Variants in JAZF1 observed in about 807,000 individuals in gnomAD.
JAZF1 encodes the protein JAZF zinc finger 1, also known as juxtaposed with another zinc finger protein 1.
In JAZF1, 8 loss-of-function variants were observed where a neutral mutation model predicts 26.4. That is an observed-to-expected ratio of 0.30 (90% CI 0.18 to 0.55). The LOEUF (loss-of-function observed/expected upper bound fraction) is 0.55, where lower values mean the gene tolerates loss of function less well. JAZF1 is among the 20% of genes least tolerant of loss of function. JAZF1 has a pLI of 0.94. For synonymous variants in JAZF1, 126 were observed against 122.3 expected, an observed-to-expected ratio of 1.03 and a Z score of -0.20; for missense variants, 199 against 322.0, an observed-to-expected ratio of 0.62 and a Z score of 2.92.
rs1554289059 is a variant in JAZF1, at chr7:28,110,609, G to GA, written c.115+69853dup. On this transcript the variant is annotated intron_variant, in intron 1 of 4. Coordinates refer to ENST00000283928, the MANE Select transcript of JAZF1 (RefSeq NM_175061.4). ...GGAAAAGGAAAAGGAAAAGGAAAAG[G>GA]AAAGGAAAAGGAAAGGAAAGGAAAG... is the stretch of plus-strand genomic sequence containing the variant. Among the ~76,000 whole-genome samples the GA allele has an allele frequency of 1.3e-3, 55 of 43,674 alleles. 2 individuals carry two copies. Among genetic ancestry groups the GA allele is most frequent in the Admixed American group, 0.01 (32 of 3,064 alleles). 28.7% of individuals were successfully genotyped at this position (43,674 alleles called of 152,430 possible).
At chr7:28,066,038 C>G (rs1295187894) in intron 1 of JAZF1, among the ~76,000 whole-genome samples, 1 of 152,152 alleles carries the variant, frequency 6.6e-6, no homozygotes, top group African/African-American at 2.4e-5. Context: ...CTCACTAGTG[C>G]TATCTCTGTT....
At chr7:28,112,101 G>A (rs1020102266) in intron 1 of JAZF1, among the ~76,000 whole-genome samples, 5 of 152,182 alleles carry the variant, frequency 3.3e-5, no homozygotes, top group Non-Finnish European at 4.4e-5. Context: ...TGATCATGAG[G>A]TGTCTTCGCC....
At chr7:28,132,496 G>C (rs1451647032) in intron 1 of JAZF1, among the ~76,000 whole-genome samples, 1 of 152,284 alleles carries the variant, frequency 6.6e-6, no homozygotes, top group Non-Finnish European at 1.5e-5. Flanking sequence ...AGATTCTTAA[G>C]GGTGGTAAGG....
chr7:28,055,670 G>C (rs1310411729), intron 1 of JAZF1, among the ~76,000 whole-genome samples: 1 of 152,190 alleles, frequency 6.6e-6, no homozygotes, highest in African/African-American at 2.4e-5. Flanking sequence ...AAGGCTCTTT[G>C]TTGTATTCAC....
chr7:28,110,784 G>A (rs1282422525), intron 1 of JAZF1, among the ~76,000 whole-genome samples: 1 of 152,238 alleles, frequency 6.6e-6, no homozygotes, highest in East Asian at 1.9e-4. Flanking sequence ...AGACTAAGAC[G>A]TGGTGATGTG....
rs546966611 is a variant in JAZF1, at chr7:27,897,622, G to A, written c.189-2206C>T. The stretch of plus-strand genomic sequence containing the variant: ...CTAGGAACCTGTAGCTATCTGATAG[G>A]AAGCCAAGAATCCTGATTTGGACTT... On this transcript the variant is annotated intron_variant, in intron 2 of 4. Transcript: ENST00000283928. 2.0e-5 allele frequency among the ~76,000 whole-genome samples: 3 copies of A among 152,326 alleles called. No homozygotes were observed. The South Asian group carries it at 6.2e-4, about 32-fold the overall frequency.
chr7:28,017,839 T>A (rs575115452), intron 1 of JAZF1, among the ~76,000 whole-genome samples: 15 of 152,366 alleles, frequency 9.8e-5, no homozygotes, highest in African/African-American at 3.6e-4. Flanking sequence ...AGTGGCACGA[T>A]CTCGGTTCAC....
chr7:28,069,365 A>G (rs1324941763), intron 1 of JAZF1, among the ~76,000 whole-genome samples: 4 of 152,162 alleles, frequency 2.6e-5, no homozygotes, highest in Non-Finnish European at 5.9e-5. Context: ...GGATGTCTGT[A>G]CCCTGGGGAT....
At chr7:28,124,360 A>G (rs1263394288) in intron 1 of JAZF1, among the ~76,000 whole-genome samples, 1 of 152,136 alleles carries the variant, frequency 6.6e-6, no homozygotes, top group Non-Finnish European at 1.5e-5. Context: ...ATACATTTCT[A>G]CACTTAACGC....
At chr7:27,942,925 G>A (rs16874408) in intron 2 of JAZF1, among the ~76,000 whole-genome samples, 15,481 of 152,208 alleles carry the variant, frequency 0.1, 1,854 homozygotes, top group East Asian at 0.41. Context: ...AGTAAGATGA[G>A]GCGCTATTTG....
chr7:28,027,300 C>T (rs1040641602), intron 1 of JAZF1, among the ~76,000 whole-genome samples: 7 of 152,108 alleles, frequency 4.6e-5, no homozygotes, highest in African/African-American at 1.7e-4. Flanking sequence ...TACTGCTGGC[C>T]CTGGCCTGTT....
At chr7:27,897,155 C>A (rs372709648) in intron 2 of JAZF1, among the ~76,000 whole-genome samples, 1 of 152,018 alleles carries the variant, frequency 6.6e-6, no homozygotes, top group African/African-American at 2.4e-5. Context: ...GTATGCAGTG[C>A]GCCAGGGAGT....
At chr7:28,155,889 T>C (rs1195829949) in intron 1 of JAZF1, among the ~76,000 whole-genome samples, 3 of 152,352 alleles carry the variant, frequency 2.0e-5, no homozygotes, top group East Asian at 3.9e-4. Flanking sequence ...AACCTCACAA[T>C]GCCTCTGCTT....
chr7:27,971,659 G>A (rs564539816), intron 2 of JAZF1, among the ~76,000 whole-genome samples: 3 of 152,220 alleles, frequency 2.0e-5, no homozygotes, highest in South Asian at 2.1e-4. Flanking sequence ...CCGAGGTGCC[G>A]CACATAAGGG....
At chr7:28,039,506 A>G (rs1051018010) in intron 1 of JAZF1, among the ~76,000 whole-genome samples, 1 of 152,192 alleles carries the variant, frequency 6.6e-6, no homozygotes, top group Non-Finnish European at 1.5e-5. Flanking sequence ...TGCAAATACC[A>G]ATATTATAAC....
At chr7:28,107,989 G>C (rs571352561) in intron 1 of JAZF1, among the ~76,000 whole-genome samples, 32 of 152,226 alleles carry the variant, frequency 2.1e-4, no homozygotes, top group Admixed American at 1.7e-3. Context: ...GCTCCATCAC[G>C]GCTAAAACAA....
chr7:27,862,211 T>C (rs1209574140), intron 3 of JAZF1, among the ~76,000 whole-genome samples: 1 of 152,230 alleles, frequency 6.6e-6, no homozygotes, highest in Non-Finnish European at 1.5e-5. Flanking sequence ...TTTTAAAAAA[T>C]ATTTTCAACT....
At chr7:28,124,319 T>C (rs889327095) in intron 1 of JAZF1, among the ~76,000 whole-genome samples, 2 of 152,192 alleles carry the variant, frequency 1.3e-5, no homozygotes, top group Admixed American at 6.5e-5. Context: ...ACCTTGCTCC[T>C]GGACTTATAG....
chr7:27,911,482 A>C (rs1784359351), intron 2 of JAZF1, among the ~76,000 whole-genome samples: 1 of 152,198 alleles, frequency 6.6e-6, no homozygotes, highest in South Asian at 2.1e-4. Flanking sequence ...GTTGTTCAAT[A>C]CAGTAGCCAT....
Sources: gnomAD v4.1 joint callset for allele counts (sites outside exome capture counted in the v4.1 genomes callset) on GRCh38, gnomAD v4.1.1 for gene constraint, MANE v1.5 for transcripts, NCBI Gene and HGNC (gene_info 2026-07-23, HGNC 2026-07-21) for gene names.